DAAM1: variants seen among roughly 807,000 people sequenced by gnomAD.
The protein encoded by DAAM1 is disheveled-associated activator of morphogenesis 1.
A neutral mutation model predicts 130.0 loss-of-function variants in DAAM1; 52 were observed. The observed-to-expected ratio is 0.40, with a 90% CI of 0.32 to 0.50. The LOEUF is 0.50. Ranked by LOEUF, DAAM1 falls within the 20% of genes least tolerant of loss-of-function variation. The pLI is 0.61. For missense variants in DAAM1, 1,134 were observed against 1,303.8 expected (o/e 0.87, Z 2.01); for synonymous variants, 452 against 444.5 (o/e 1.02, Z -0.21).
intron 2 of DAAM1, among the ~76,000 whole-genome samples, chr14:59,281,655 A>G (rs527999819): frequency 7.9e-5 from 12 of 152,264 alleles, no homozygotes; most frequent in Admixed American, 5.9e-4. Context: ...AAAGCTTTCT[A>G]TCACCTTGTC....
At position 59,326,493 on chromosome 14, in the gene DAAM1, ATTCTT is replaced by A. The variant is rs776772228; in HGVS notation, c.1175-9_1175-5del. 3.0e-5 allele frequency: 47 copies of A among 1,560,316 alleles called. No individual in the cohort carries two copies. Among genetic ancestry groups the A allele is most frequent in the Non-Finnish European group, 4.0e-5 (46 of 1,154,878 alleles). ...AACAACTTGAAGATTTTTTTTCACT[ATTCTT>A]TTCTTTTTTAGACAAGAGGAGTGGC... On this transcript the variant is annotated splice_polypyrimidine_tract_variant and intron_variant, in intron 10 of 24. Transcript: ENST00000360909.
intron 2 of DAAM1, chr14:59,263,911 T>G: frequency 1.9e-6 from 1 of 528,870 alleles, no homozygotes; most frequent in South Asian, 2.0e-5. Flanking sequence ...AGACCTTCAG[T>G]TCTTCAAATA....
At chr14:59,232,999 T>A (rs1249978072) in intron 1 of DAAM1, among the ~76,000 whole-genome samples, 3 of 152,220 alleles carry the variant, frequency 2.0e-5, no homozygotes, top group Admixed American at 6.5e-5. Context: ...TAGTATTCCA[T>A]GGTGTGTATG....
chr14:59,256,099 T>C (rs1881870756), intron 1 of DAAM1, among the ~76,000 whole-genome samples: 1 of 152,198 alleles, frequency 6.6e-6, no homozygotes, highest in Non-Finnish European at 1.5e-5. Flanking sequence ...ATGGATCAAT[T>C]AAAATAGTCT....
chr14:59,252,849 A>G (rs1008422693), intron 1 of DAAM1, among the ~76,000 whole-genome samples: 1 of 152,192 alleles, frequency 6.6e-6, no homozygotes, highest in African/African-American at 2.4e-5. Context: ...CCTTTAGACT[A>G]TGCCTGTGAA....
rs1286593489 is a variant in DAAM1, at chr14:59,248,674, C to T, written c.-37-14767C>T. Among the ~76,000 whole-genome samples the T allele has an allele frequency of 8.5e-5, 13 of 152,162 alleles. 1 individual carries two copies. Among genetic ancestry groups the T allele is most frequent in the South Asian group, 4.1e-4 (2 of 4,820 alleles). ...CTGCTAGTCTTATAATTTCCTCTACCCCTTCTCCATCCTCAAGGTCTGTGC... is the reference window on the plus strand; with the variant it reads ...CTGCTAGTCTTATAATTTCCTCTACTCCTTCTCCATCCTCAAGGTCTGTGC... On this transcript the variant is annotated intron_variant, in intron 1 of 24. Coordinates refer to ENST00000360909, the MANE Select transcript of DAAM1 (RefSeq NM_001270520.2).
intron 13 of DAAM1, 74 bp from the exon 14 acceptor site, chr14:59,331,135 G>C (rs771953204): frequency 2.4e-5 from 38 of 1,559,932 alleles, no homozygotes; most frequent in Non-Finnish European, 3.2e-5. Context: ...TTTAGGCCAA[G>C]TTACAGACTC....
At chr14:59,312,105 A>T (rs1347046706) in intron 3 of DAAM1, among the ~76,000 whole-genome samples, 1 of 152,218 alleles carries the variant, frequency 6.6e-6, no homozygotes, top group African/African-American at 2.4e-5. Flanking sequence ...ATGTAATTAT[A>T]GGCTAAATTC....
chr14:59,309,694 C>G (rs983123323), intron 3 of DAAM1, among the ~76,000 whole-genome samples: 7 of 152,224 alleles, frequency 4.6e-5, no homozygotes, highest in East Asian at 3.8e-4. Flanking sequence ...TCCTGTCTGG[C>G]TCCTTACAGG....
chr14:59,325,796 G>A, intron 9 of DAAM1, 66 bp downstream of exon 9: 1 of 1,580,252 alleles, frequency 6.3e-7, no homozygotes, highest in East Asian at 2.2e-5. Context: ...TGTAATGTGT[G>A]TTGTAGAGTC....
intron 17 of DAAM1, among the ~76,000 whole-genome samples, chr14:59,349,466 G>A (rs1250533316): frequency 6.6e-6 from 1 of 152,246 alleles, no homozygotes; most frequent in African/African-American, 2.4e-5. Context: ...TGATAATTCT[G>A]TGTGTGTCTT....
intron 3 of DAAM1, among the ~76,000 whole-genome samples, chr14:59,302,567 A>G (rs1290935317): frequency 6.6e-6 from 1 of 152,236 alleles, no homozygotes; most frequent in African/African-American, 2.4e-5. Flanking sequence ...GAGACTTGGA[A>G]CATAAGCTCT....
chr14:59,292,832 G>A (rs1883802757), intron 3 of DAAM1, among the ~76,000 whole-genome samples: 1 of 152,150 alleles, frequency 6.6e-6, no homozygotes, highest in Admixed American at 6.6e-5. Flanking sequence ...AAATGTCATT[G>A]TGAAATAAAT....
rs528040399 is a variant in DAAM1, at chr14:59,326,671, G to T, written c.1313+23G>T. On this transcript the variant is annotated intron_variant, in intron 11 of 24. Coordinates refer to ENST00000360909, the MANE Select transcript of DAAM1 (RefSeq NM_001270520.2). Reference sequence around the variant, plus strand: ...AATGTAAGTCTCTTCTTATTCTGCTGCTGTGAGATAATGGTGACAATGTAA... The same window carrying T: ...AATGTAAGTCTCTTCTTATTCTGCTTCTGTGAGATAATGGTGACAATGTAA... 549 of 1,606,936 alleles carry T rather than the reference G, an allele frequency of 3.4e-4. 4 individuals are homozygous for T. The South Asian group carries it at 4.6e-3, about 14-fold the overall frequency.
At chr14:59,191,906 G>C (rs1887740827) in intron 1 of DAAM1, among the ~76,000 whole-genome samples, 1 of 152,148 alleles carries the variant, frequency 6.6e-6, no homozygotes, top group Non-Finnish European at 1.5e-5. Context: ...GTTGTTTCAG[G>C]CTGGTTGATG....
chr14:59,352,490 T>C (rs758563458), intron 17 of DAAM1, 36 bp from the exon 18 acceptor site: 13 of 1,532,562 alleles, frequency 8.5e-6, no homozygotes, highest in African/African-American at 1.4e-5. Flanking sequence ...ATTTAAGTGA[T>C]AAACCTCAGT....
intron 12 of DAAM1, among the ~76,000 whole-genome samples, chr14:59,330,044 T>A (rs1885360801): frequency 6.6e-6 from 1 of 152,232 alleles, no homozygotes; most frequent in African/African-American, 2.4e-5. Flanking sequence ...GCCCTTCGGC[T>A]GGTTGGATGT....
chr14:59,268,732 A>G (rs1023834535), intron 2 of DAAM1, among the ~76,000 whole-genome samples: 1 of 152,118 alleles, frequency 6.6e-6, no homozygotes, highest in African/African-American at 2.4e-5. Flanking sequence ...CCTTTCGAGA[A>G]TCAATTCTTT....
At chr14:59,241,794 C>G (rs758076349) in intron 1 of DAAM1, among the ~76,000 whole-genome samples, 1 of 152,312 alleles carries the variant, frequency 6.6e-6, no homozygotes, top group East Asian at 1.9e-4. Context: ...ATGTGACCTT[C>G]GTTCTAGACT....
Sources: allele counts gnomAD v4.1 joint callset (sites outside exome capture counted in the v4.1 genomes callset), GRCh38; gene constraint gnomAD v4.1.1; transcripts MANE v1.5; gene names NCBI Gene and HGNC (gene_info 2026-07-23, HGNC 2026-07-21).